Variants in AUTS2 observed in about 807,000 individuals in gnomAD.
AUTS2 encodes the protein autism susceptibility gene 2 protein.
A neutral mutation model predicts 112.4 loss-of-function variants in AUTS2; 17 were observed. That is an observed-to-expected ratio of 0.15 (90% CI 0.10 to 0.23). The LOEUF (loss-of-function observed/expected upper bound fraction) is 0.23. AUTS2 is among the 10% of genes least tolerant of loss of function. The probability of loss-of-function intolerance (pLI) is 1.00; values close to 1 mark genes in which losing one functional copy is unlikely to be tolerated. For missense variants in AUTS2, 1,510 were observed against 1,701.6 expected (o/e 0.89, Z 1.98); for synonymous variants, 751 against 702.7 (o/e 1.07, Z -1.09).
At chr7:69,662,817 G>A (rs982555570) in intron 1 of AUTS2, among the ~76,000 whole-genome samples, 3 of 151,984 alleles carry the variant, frequency 2.0e-5, no homozygotes, top group Non-Finnish European at 4.4e-5. Context: ...CTCTGAGGTC[G>A]CTCCCAACCC....
At chr7:70,349,967 C>G (rs1483762260) in intron 4 of AUTS2, among the ~76,000 whole-genome samples, 1 of 152,188 alleles carries the variant, frequency 6.6e-6, no homozygotes, top group Non-Finnish European at 1.5e-5. Flanking sequence ...TGTTGGAACA[C>G]CCTGCATGTC....
rs1333451090 is a variant in AUTS2 at position 70,152,993 on chromosome 7, A to G, written c.660+18422A>G. 2.0e-5 allele frequency among the ~76,000 whole-genome samples: 3 copies of G among 152,276 alleles called. No homozygotes were observed. The East Asian group carries it at 5.8e-4, about 29-fold the overall frequency. Reference sequence around the variant, plus strand: ...TTTCCCCTTTTTAAAGATACAACCAATTGAGAGAACAGTTTGATAATTTAT... The same window carrying G: ...TTTCCCCTTTTTAAAGATACAACCAGTTGAGAGAACAGTTTGATAATTTAT... On this transcript the variant is annotated intron_variant, in intron 4 of 18. Transcript: ENST00000342771.
Position 69,649,370 on chromosome 7 carries a change from T to G in AUTS2, c.309+49408T>G, listed in dbSNP as rs1795184689. Among the ~76,000 whole-genome samples, 4 of 152,190 alleles carry G rather than the reference T, an allele frequency of 2.6e-5. No homozygotes were observed. In the South Asian group the frequency reaches 8.3e-4, roughly 31 times the overall value. On this transcript the variant is annotated intron_variant, in intron 1 of 18. Transcript: ENST00000342771. Reference sequence around the variant, plus strand: ...TGAGCTGGGTTCCAAACTACCTCCTTTTGCCTGTTACATACAGCTTTGTGT... The same window carrying G: ...TGAGCTGGGTTCCAAACTACCTCCTGTTGCCTGTTACATACAGCTTTGTGT...
Position 70,764,997 on chromosome 7 carries a change from C to T in AUTS2, c.1460C>T (p.Thr487Ile). The change falls in exon 8 of 19, where the codon ACT (threonine) becomes ATT (isoleucine). Residue 487 changes from threonine (T) to isoleucine (I), a missense_variant. By Grantham distance (89) the Thr-to-Ile change is moderately conservative (BLOSUM62 -1). This residue lies in a region of AUTS2 where 187 missense variants were observed against 309.7 expected (regional missense o/e 0.60). Coordinates refer to ENST00000342771, the MANE Select transcript of AUTS2 (RefSeq NM_015570.4). ...GTGGCCGGACACCCGGCCGGGAGCA[C>T]TTACTCAGGTAGGACGGAGGGGCCT... Reference protein sequence around the residue: ...LQVAGHPAGSTYSEQDILRQE... With the variant: ...LQVAGHPAGSIYSEQDILRQE... 1.9e-6 allele frequency: 3 copies of T among 1,613,948 alleles called. No homozygotes were observed. Among genetic ancestry groups the T allele is most frequent in the Non-Finnish European group, 2.5e-6 (3 of 1,180,018 alleles).
At chr7:70,225,092 A>G (rs940539562) in intron 4 of AUTS2, among the ~76,000 whole-genome samples, 2 of 152,106 alleles carry the variant, frequency 1.3e-5, no homozygotes, top group Non-Finnish European at 2.9e-5. Flanking sequence ...TTGAAACTCT[A>G]TGTTTCTTCT....
intron 2 of AUTS2, among the ~76,000 whole-genome samples, chr7:70,034,916 G>A (rs1240872443): frequency 1.3e-5 from 2 of 152,122 alleles, no homozygotes; most frequent in African/African-American, 2.4e-5. Context: ...AGTACAGCCT[G>A]GAATTTTTGG....
chr7:69,687,145 A>G (rs1461406119), intron 1 of AUTS2, among the ~76,000 whole-genome samples: 6 of 152,226 alleles, frequency 3.9e-5, no homozygotes, highest in African/African-American at 1.2e-4. Context: ...CAGGACAGAA[A>G]CAAATGCTGT....
intron 1 of AUTS2, among the ~76,000 whole-genome samples, chr7:69,655,187 C>A (rs1277223882): frequency 6.6e-6 from 1 of 152,040 alleles, no homozygotes; most frequent in Non-Finnish European, 1.5e-5. Context: ...GAAGCAAATC[C>A]TCCAGTTAAT....
chr7:70,037,704 G>C (rs145491689), intron 2 of AUTS2, among the ~76,000 whole-genome samples: 1 of 152,096 alleles, frequency 6.6e-6, no homozygotes, highest in South Asian at 2.1e-4. Flanking sequence ...CTAAAAATAC[G>C]GTAATTGAGT....
chr7:69,681,832 T>G (rs1234534797), intron 1 of AUTS2, among the ~76,000 whole-genome samples: 2 of 152,224 alleles, frequency 1.3e-5, no homozygotes, highest in Non-Finnish European at 2.9e-5. Flanking sequence ...AAATGTCTCC[T>G]TTTTCTTTTC....
intron 2 of AUTS2, among the ~76,000 whole-genome samples, chr7:69,985,901 A>C (rs1798494152): frequency 6.6e-6 from 1 of 152,074 alleles, no homozygotes; most frequent in African/African-American, 2.4e-5. Context: ...GACTACAGGC[A>C]CGTGCCACCA....
intron 1 of AUTS2, among the ~76,000 whole-genome samples, chr7:69,793,580 C>CT (rs1414169131): frequency 6.6e-6 from 1 of 152,040 alleles, no homozygotes; most frequent in Non-Finnish European, 1.5e-5. Context: ...CAAAAGGCTT[C>CT]TTAGGGGAAG....
chr7:70,193,102 C>T (rs949827433), intron 4 of AUTS2, among the ~76,000 whole-genome samples: 2 of 152,210 alleles, frequency 1.3e-5, no homozygotes, highest in African/African-American at 4.8e-5. Context: ...TGGCATTCCA[C>T]TACCTTTGTC....
intron 4 of AUTS2, among the ~76,000 whole-genome samples, chr7:70,223,638 T>C (rs942289018): frequency 2.6e-5 from 4 of 152,198 alleles, no homozygotes; most frequent in Non-Finnish European, 4.4e-5. Context: ...GTCCTTCTAC[T>C]AGTTAAAAAG....
chr7:69,636,593 A>G (rs940307004), intron 1 of AUTS2, among the ~76,000 whole-genome samples: 1 of 150,336 alleles, frequency 6.7e-6, no homozygotes, highest in Non-Finnish European at 1.5e-5. Context: ...ACAACCTAGT[A>G]TTTTTCTTTC....
chr7:70,426,660 A>T (rs1157228495), intron 4 of AUTS2, among the ~76,000 whole-genome samples: 1 of 152,220 alleles, frequency 6.6e-6, no homozygotes, highest in Non-Finnish European at 1.5e-5. Flanking sequence ...CTGCAATGAT[A>T]TCCTTTTATC....
At chr7:70,740,721 G>C (rs530200998) in intron 6 of AUTS2, among the ~76,000 whole-genome samples, 6 of 151,954 alleles carry the variant, frequency 3.9e-5, no homozygotes, top group Non-Finnish European at 7.4e-5. Flanking sequence ...ATAAATGTGG[G>C]TATTTTATTA....
intron 5 of AUTS2, among the ~76,000 whole-genome samples, chr7:70,620,063 A>T (rs1585389550): frequency 6.6e-6 from 1 of 152,120 alleles, no homozygotes; most frequent in East Asian, 1.9e-4. Context: ...CACCGAGCCC[A>T]TGGCCTTACC....
chr7:69,953,353 G>A (rs922896624), intron 2 of AUTS2, among the ~76,000 whole-genome samples: 4 of 152,044 alleles, frequency 2.6e-5, no homozygotes, highest in African/African-American at 9.7e-5. Context: ...GGAAATCCAC[G>A]TTTCTGAATT....
Sources: gnomAD v4.1 joint callset for allele counts (sites outside exome capture counted in the v4.1 genomes callset) on GRCh38, gnomAD v4.1.1 for gene constraint, gnomAD v4.1.1 regional missense constraint, MANE v1.5 for transcripts, NCBI Gene and HGNC (gene_info 2026-07-23, HGNC 2026-07-21) for gene names.